Variants in TCF12 observed in about 807,000 individuals in gnomAD.
The protein encoded by TCF12 is transcription factor 12.
TCF12 carries 45 observed loss-of-function variants against 86.0 expected under a neutral mutation model. The observed-to-expected ratio is 0.52, with a 90% CI of 0.41 to 0.67. The LOEUF is 0.67. Ranked by LOEUF, TCF12 falls within the 30% of genes least tolerant of loss-of-function variation. The pLI is 0.00. For synonymous variants in TCF12, 330 were observed against 299.6 expected (o/e 1.10, Z -1.05); for missense variants, 881 against 859.9 (o/e 1.02, Z -0.31).
chr15:57,275,036 G>T (rs1399801160), intron 19 of TCF12, among the ~76,000 whole-genome samples: 2 of 152,048 alleles, frequency 1.3e-5, no homozygotes, highest in Non-Finnish European at 2.9e-5. Context: ...TTCCATGCGG[G>T]CACCTAGAAC....
Position 57,273,273 on chromosome 15 carries a change from T to A in TCF12, c.1978+11T>A. On this transcript the variant is annotated intron_variant, in intron 19 of 20. Coordinates refer to ENST00000333725, the MANE Select transcript of TCF12 (RefSeq NM_207037.2). ...AACAGCAAGTCAGAGGTAAGTAGGT[T>A]CAGCCGAGATGTATAACTGTTCTGC... 6.2e-7 allele frequency: 1 copy of A among 1,613,026 alleles called. No individual in the cohort carries two copies. Among genetic ancestry groups the A allele is most frequent in the Non-Finnish European group, 8.5e-7 (1 of 1,179,074 alleles).
intron 5 of TCF12, among the ~76,000 whole-genome samples, chr15:57,166,130 T>C (rs1228724476): frequency 6.6e-6 from 1 of 151,930 alleles, no homozygotes; most frequent in Non-Finnish European, 1.5e-5. Flanking sequence ...TTGCCCACGC[T>C]AGTCTTGAGC....
intron 3 of TCF12, among the ~76,000 whole-genome samples, chr15:56,939,967 GTTT>G (rs67832685): frequency 0.011 from 1,194 of 104,682 alleles, 7 homozygotes; most frequent in African/African-American, 0.046. Context: ...TTAATAGCGT[GTTT>G]TTTTTTTTTT....
intron 3 of TCF12, among the ~76,000 whole-genome samples, chr15:56,987,038 G>T (rs1198942551): frequency 6.6e-6 from 1 of 151,800 alleles, no homozygotes; most frequent in South Asian, 2.1e-4. Context: ...TGAGGATAAC[G>T]CCAATACTTG....
chr15:56,985,105 C>T (rs1281369974), intron 3 of TCF12, among the ~76,000 whole-genome samples: 1 of 152,126 alleles, frequency 6.6e-6, no homozygotes, highest in Non-Finnish European at 1.5e-5. Context: ...TCTTTGAGGT[C>T]CCAGATCTGA....
intron 3 of TCF12, among the ~76,000 whole-genome samples, chr15:56,967,437 T>C (rs2140676586): frequency 6.6e-6 from 1 of 152,350 alleles, no homozygotes; most frequent in South Asian, 2.1e-4. Context: ...TTGATGGTTC[T>C]GTGTAGTTCC....
chr15:57,248,167 C>A (rs2059947614), intron 13 of TCF12: 3 of 696,632 alleles, frequency 4.3e-6, no homozygotes, highest in East Asian at 5.4e-5. Context: ...ACAGATTTCC[C>A]CTTACGTCTT....
intron 4 of TCF12, among the ~76,000 whole-genome samples, chr15:57,077,373 G>GTA (rs1184728627): frequency 3.1e-4 from 32 of 101,802 alleles, no homozygotes; most frequent in Non-Finnish European, 4.9e-4. Context: ...GTGTGTGTGT[G>GTA]TATATATATT....
chr15:57,141,328 T>C (rs1467716255), intron 5 of TCF12, among the ~76,000 whole-genome samples: 1 of 152,212 alleles, frequency 6.6e-6, no homozygotes, highest in African/African-American at 2.4e-5. Context: ...AAGCAGGCAT[T>C]AACTAACCAT....
At chr15:56,990,435 T>C (rs777346462) in intron 3 of TCF12, among the ~76,000 whole-genome samples, 1 of 152,136 alleles carries the variant, frequency 6.6e-6, no homozygotes, top group Non-Finnish European at 1.5e-5. Flanking sequence ...AGGATAAATG[T>C]ATGCCAAAGC....
chr15:56,975,223 G>A (rs1404591735), intron 3 of TCF12, among the ~76,000 whole-genome samples: 2 of 152,068 alleles, frequency 1.3e-5, no homozygotes, highest in Non-Finnish European at 2.9e-5. Context: ...TTTGGCTTAT[G>A]GCCATGATCT....
intron 4 of TCF12, among the ~76,000 whole-genome samples, chr15:57,090,476 A>G (rs1184700183): frequency 2.0e-5 from 3 of 152,258 alleles, no homozygotes; most frequent in African/African-American, 7.2e-5. Flanking sequence ...TTAGCACTCC[A>G]GAAGATTAGT....
intron 8 of TCF12, among the ~76,000 whole-genome samples, chr15:57,200,194 T>A (rs545122965): frequency 6.6e-6 from 1 of 151,898 alleles, no homozygotes; most frequent in East Asian, 1.9e-4. Context: ...ATCTCAAGTA[T>A]TTAAAAAAGA....
intron 5 of TCF12, among the ~76,000 whole-genome samples, chr15:57,100,621 T>G (rs1421654022): frequency 6.6e-6 from 1 of 152,080 alleles, no homozygotes; most frequent in Non-Finnish European, 1.5e-5. Context: ...GCTTTCAGAA[T>G]GTTTTATTTA....
chr15:57,054,773 C>CTTTTTTTTTTT lies in TCF12; in HGVS notation c.149-8958_149-8948dup. ...AGCTGGCTTTTTTGCAATGCCTCTGCTTTTTTTTTTTTTTTTTTTTTTTTT... is the reference window on the plus strand; with the variant it reads ...AGCTGGCTTTTTTGCAATGCCTCTGCTTTTTTTTTTTTTTTTTTTTTTTTTTTTTTTTTTTT... On this transcript the variant is annotated intron_variant, in intron 3 of 20. Coordinates refer to ENST00000333725, the MANE Select transcript of TCF12 (RefSeq NM_207037.2). Among the ~76,000 whole-genome samples the CTTTTTTTTTTT allele has an allele frequency of 8.3e-5, 2 of 24,188 alleles. 1 individual carries two copies. The highest frequency in any genetic ancestry group is 1.7e-4 in the Non-Finnish European group (2 of 11,618). The allele number at this position is 24,188 out of a possible 152,430, so 15.9% of individuals were successfully genotyped here.
At chr15:57,137,639 T>C (rs12914410) in intron 5 of TCF12, among the ~76,000 whole-genome samples, 58,783 of 152,164 alleles carry the variant, frequency 0.39, 14,195 homozygotes, top group Non-Finnish European at 0.53. Flanking sequence ...ATCTAGATTT[T>C]TTTCACTTGT....
At chr15:57,079,943 T>G (rs2951902) in intron 4 of TCF12, among the ~76,000 whole-genome samples, 124,731 of 152,058 alleles carry the variant, frequency 0.82, 51,688 homozygotes, top group African/African-American at 0.94. Context: ...GTGATTTTGG[T>G]ATATTTAAGG....
chr15:56,969,501 T>C (rs2062178186), intron 3 of TCF12, among the ~76,000 whole-genome samples: 3 of 151,552 alleles, frequency 2.0e-5, no homozygotes, highest in South Asian at 4.2e-4. Flanking sequence ...AAACCACGTT[T>C]AGATACACTA....
At chr15:56,962,805 A>G (rs2061826356) in intron 3 of TCF12, among the ~76,000 whole-genome samples, 1 of 152,294 alleles carries the variant, frequency 6.6e-6, no homozygotes, top group South Asian at 2.1e-4. Context: ...GATAATGTGA[A>G]CAGCTCGACT....
Sources: gnomAD v4.1 joint callset for allele counts (sites outside exome capture counted in the v4.1 genomes callset) on GRCh38, gnomAD v4.1.1 for gene constraint, MANE v1.5 for transcripts, NCBI Gene and HGNC (gene_info 2026-07-23, HGNC 2026-07-21) for gene names.